FADS2: variants seen among roughly 807,000 people sequenced by gnomAD.
FADS2 encodes acyl-CoA 6-desaturase.
Under a neutral mutation model 61.2 loss-of-function variants are expected in FADS2, and 18 were observed. The ratio of observed to expected loss-of-function variants is 0.29; its 90% CI spans 0.20 to 0.44. The LOEUF (loss-of-function observed/expected upper bound fraction) is 0.44, where lower values mean the gene tolerates loss of function less well. FADS2 is among the 20% of genes least tolerant of loss of function. The pLI is 1.00. For synonymous variants in FADS2, 203 were observed against 223.9 expected (o/e 0.91, Z 0.83); for missense variants, 322 against 572.7 (o/e 0.56, Z 4.47).
Position 61,866,018 on chromosome 11 carries a change from G to A in FADS2, c.*329G>A. 4.3e-6 allele frequency: 2 copies of A among 462,816 alleles called. No individual in the cohort carries two copies. The highest frequency in any genetic ancestry group is 7.7e-6 in the Non-Finnish European group (2 of 261,080). 28.7% of individuals were successfully genotyped at this position (462,816 alleles called of 1,614,324 possible). ...CACTCTCTGCCCCTAAAGATGGGAG[G>A]AGACCAGCGGTCCATGGGTCTGGCC... On this transcript the variant is annotated 3_prime_UTR_variant, in exon 12 of 12. Transcript: ENST00000278840.
rs1379725707 is a variant in FADS2 at position 61,865,336 on chromosome 11, G to A, written c.1283+59G>A. The A allele has an allele frequency of 5.7e-6, 9 of 1,591,700 alleles. No homozygotes were observed. Among genetic ancestry groups the A allele is most frequent in the African/African-American group, 1.3e-5 (1 of 74,610 alleles). On this transcript the variant is annotated intron_variant, in intron 11 of 11. Coordinates refer to ENST00000278840, the MANE Select transcript of FADS2 (RefSeq NM_004265.4). This position sits in a 1 kb window ranked among gnomAD's most constrained non-coding sequence, Gnocchi z 4.1. ...GGGATCACCCGTGGTGCAGACAGTG[G>A]GATCACAAGAGGGGCTGGGCCCTCC...
chr11:61,829,502 A>C (rs2067110148), intron 1 of FADS2, among the ~76,000 whole-genome samples: 1 of 151,976 alleles, frequency 6.6e-6, no homozygotes, highest in Admixed American at 6.6e-5. Context: ...CTCAGTGATT[A>C]CCCCGCACCA....
Position 61,816,429 on chromosome 11 carries a change from A to G in FADS2, c.141+3A>G. The G allele has an allele frequency of 6.3e-7, 1 of 1,598,894 alleles. No individual in the cohort carries two copies. The highest frequency in any genetic ancestry group is 8.5e-7 in the Non-Finnish European group (1 of 1,179,796). On this transcript the variant is annotated splice_donor_region_variant and intron_variant, in intron 1 of 11. Transcript: ENST00000257261. The surrounding 1 kb of genome is among the most constrained non-coding windows in gnomAD (Gnocchi z 7.0). ...GACACCCAATCACCGGGCAACAGGT[A>G]TGATCAGGCGCCTCCGGGCTTTCCT...
rs1273462397 is a variant in FADS2, at chr11:61,816,312, T to C, written c.27T>C (p.Phe9=). The change falls in exon 1 of 12, where the codon TTT becomes TTC. Residue 9 remains phenylalanine (F), a synonymous_variant. Coordinates refer to the FADS2 transcript ENST00000257261. This position sits in a 1 kb window ranked among gnomAD's most constrained non-coding sequence, Gnocchi z 7.0. The stretch of plus-strand genomic sequence containing the variant: ...TGCACGGCAGGGAGGCGGGACCCTT[T>C]GTTTGTGTGTGCGTGTTGTTGGCCT... 1.3e-6 allele frequency: 2 copies of C among 1,598,258 alleles called. No individual in the cohort carries two copies. The highest frequency in any genetic ancestry group is 1.7e-6 in the Non-Finnish European group (2 of 1,179,744).
chr11:61,833,693 G>A (rs1021883674), intron 1 of FADS2, among the ~76,000 whole-genome samples: 15 of 152,228 alleles, frequency 9.9e-5, no homozygotes, highest in Admixed American at 8.5e-4. Flanking sequence ...GCTCGCCTGC[G>A]TCACCTCAGC....
chr11:61,853,286 C>CCCTT (rs1555077185), intron 5 of FADS2, among the ~76,000 whole-genome samples: 1,226 of 55,636 alleles, frequency 0.022, 26 homozygotes, highest in Non-Finnish European at 0.035. Flanking sequence ...TTCCCTCCCT[C>CCCTT]CCTCCCTTCC....
intron 7 of FADS2, among the ~76,000 whole-genome samples, chr11:61,858,070 G>A (rs1031797906): frequency 6.6e-6 from 1 of 152,198 alleles, no homozygotes; most frequent in African/African-American, 2.4e-5. Context: ...GGAAGGCTCT[G>A]TTCTGGGCCT....
intron 7 of FADS2, 93 bp from the exon 8 acceptor site, chr11:61,862,879 C>A: frequency 1.0e-6 from 1 of 962,552 alleles, no homozygotes; most frequent in Non-Finnish European, 1.7e-6. Flanking sequence ...CTTCTAGAGG[C>A]CTGAGTGTGA....
Position 61,816,476 on chromosome 11 carries a change from T to C in FADS2, c.141+50T>C, listed in dbSNP as rs1417164064. 1 of 1,601,042 alleles carries C rather than the reference T, an allele frequency of 6.2e-7. No individual in the cohort carries two copies. The highest frequency in any genetic ancestry group is 8.5e-7 in the Non-Finnish European group (1 of 1,179,198). Reference sequence around the variant, plus strand: ...TCCTCCGAATTAGTCGGTGTTTGGCTCGGAGTGCGTAACTCTGTCTCCCCT... The same window carrying C: ...TCCTCCGAATTAGTCGGTGTTTGGCCCGGAGTGCGTAACTCTGTCTCCCCT... On this transcript the variant is annotated intron_variant, in intron 1 of 11. Transcript: ENST00000257261. The surrounding 1 kb of genome is among the most constrained non-coding windows in gnomAD (Gnocchi z 7.0).
intron 7 of FADS2, among the ~76,000 whole-genome samples, chr11:61,859,635 C>A (rs1231960816): frequency 6.6e-6 from 1 of 152,208 alleles, no homozygotes; most frequent in Admixed American, 6.5e-5. Flanking sequence ...TGTTTTTTCC[C>A]TCCTTATACA....
At chr11:61,841,144 C>T (rs1027970011) in intron 4 of FADS2, among the ~76,000 whole-genome samples, 4 of 151,856 alleles carry the variant, frequency 2.6e-5, no homozygotes, top group South Asian at 2.1e-4. Flanking sequence ...CCTCCACCTC[C>T]GGGTTCAAGC....
At chr11:61,834,998 C>T (rs2067160067) in intron 1 of FADS2, among the ~76,000 whole-genome samples, 1 of 148,702 alleles carries the variant, frequency 6.7e-6, no homozygotes, top group African/African-American at 2.5e-5. Flanking sequence ...CACCCCAGCC[C>T]TCCTCCCTGC....
upstream of FADS2, among the ~76,000 whole-genome samples, chr11:61,824,478 GAGAGAGAGAGAGAAAGAAAGAAAGGAA>G (rs1565325331): frequency 1.4e-4 from 1 of 7,214 alleles, no homozygotes; most frequent in African/African-American, 1.6e-4. Context: ...GAGAGAGAGA[GAGAGAGAGAGAGAAAGAAAGAAAGGAA>G]AGAAAGAAAG....
chr11:61,830,170 T>A (rs540675099), intron 1 of FADS2, among the ~76,000 whole-genome samples: 11 of 152,214 alleles, frequency 7.2e-5, no homozygotes, highest in Non-Finnish European at 1.3e-4. Flanking sequence ...CTGGCTGGGA[T>A]CTTTCCACTA....
chr11:61,831,297 T>C (rs1490765696), intron 1 of FADS2, among the ~76,000 whole-genome samples: 1 of 152,088 alleles, frequency 6.6e-6, no homozygotes, highest in Non-Finnish European at 1.5e-5. Context: ...GGAGTGACAA[T>C]TTATGGACCA....
chr11:61,821,373 C>T (rs1481644182), intron 1 of FADS2: 5 of 700,766 alleles, frequency 7.1e-6, no homozygotes, highest in African/African-American at 5.3e-5. Flanking sequence ...ACCATTTTCT[C>T]TCTAAAGAAA....
intron 4 of FADS2, among the ~76,000 whole-genome samples, chr11:61,846,021 G>A (rs1488201880): frequency 6.6e-6 from 1 of 151,816 alleles, no homozygotes; most frequent in Non-Finnish European, 1.5e-5. Flanking sequence ...CAGTTTCTTT[G>A]TGCCAGAGAT....
intron 5 of FADS2, chr11:61,854,718 A>C (rs2067340439): frequency 6.6e-6 from 1 of 152,230 alleles, no homozygotes; most frequent in African/African-American, 2.4e-5. Flanking sequence ...TCGTATCCCA[A>C]ACCCACAGTT....
At chr11:61,836,343 C>T (rs1415199631) in intron 1 of FADS2, among the ~76,000 whole-genome samples, 1 of 152,214 alleles carries the variant, frequency 6.6e-6, no homozygotes, top group African/African-American at 2.4e-5. Context: ...GGTGATCGCC[C>T]TGCCTCGGCT....
Sources: allele counts gnomAD v4.1 joint callset (sites outside exome capture counted in the v4.1 genomes callset), GRCh38; gene constraint gnomAD v4.1.1; non-coding constraint Gnocchi (gnomAD v3.1); transcripts MANE v1.5; gene names NCBI Gene and HGNC (gene_info 2026-07-23, HGNC 2026-07-21).